The following DLGAP4 variants were observed in gnomAD, a reference collection of about 807,000 sequenced individuals.
The protein encoded by DLGAP4 is disks large-associated protein 4.
DLGAP4 carries 18 observed loss-of-function variants against 86.9 expected under a neutral mutation model. The observed-to-expected ratio is 0.21, with a 90% confidence interval of 0.14 to 0.31. The LOEUF (loss-of-function observed/expected upper bound fraction) is 0.31, where lower values mean the gene tolerates loss of function less well. DLGAP4 is among the 10% of genes least tolerant of loss of function. The pLI is 1.00. For missense variants in DLGAP4, 1,085 were observed against 1,362.6 expected (o/e 0.80, Z 3.21); for synonymous variants, 548 against 574.3 (o/e 0.95, Z 0.65).
At chr20:36,512,264 A>G (rs2036750739) in intron 10 of DLGAP4, among the ~76,000 whole-genome samples, 1 of 151,762 alleles carries the variant, frequency 6.6e-6, no homozygotes. Flanking sequence ...GTTAGCCAGG[A>G]TGGTCTTGAT....
At position 36,442,856 on chromosome 20, in the gene DLGAP4, C is replaced by T. The variant is rs549925410; in HGVS notation, c.1407+79C>T. The stretch of plus-strand genomic sequence containing the variant: ...CTTAGGCCTGCCCTCTGAGTGGTCC[C>T]AGCACCCGGCCCAGGCTGGTACAAG... On this transcript the variant is annotated intron_variant, in intron 6 of 12. Transcript: ENST00000339266. 2,298 of 1,580,302 alleles carry T rather than the reference C, an allele frequency of 1.5e-3. 2 individuals are homozygous for T. Among genetic ancestry groups the T allele is most frequent in the Non-Finnish European group, 1.9e-3 (2,185 of 1,149,712 alleles).
At chr20:36,461,627 G>A in intron 7 of DLGAP4, 2 of 934,488 alleles carry the variant, frequency 2.1e-6, no homozygotes, top group Non-Finnish European at 2.5e-6. Context: ...GCCGCCCGGA[G>A]CAGCCGCGGC....
At chr20:36,318,378 C>T (rs1215262903) in intron 1 of DLGAP4, among the ~76,000 whole-genome samples, 8 of 152,072 alleles carry the variant, frequency 5.3e-5, no homozygotes, top group Admixed American at 3.9e-4. Context: ...GTCACCCATC[C>T]GGCAGCTGGT....
At chr20:36,427,864 A>G (rs2033022376) in intron 2 of DLGAP4, among the ~76,000 whole-genome samples, 1 of 151,956 alleles carries the variant, frequency 6.6e-6, no homozygotes, top group African/African-American at 2.4e-5. Context: ...AATCGCTGGA[A>G]CCCAGGAGGC....
At chr20:36,498,282 C>T (rs568080562) in intron 8 of DLGAP4, 26 of 152,246 alleles carry the variant, frequency 1.7e-4, no homozygotes, top group African/African-American at 6.3e-4. Flanking sequence ...GACTCTGCTG[C>T]TGTTTTCTGG....
intron 2 of DLGAP4, among the ~76,000 whole-genome samples, chr20:36,380,276 G>T (rs2031324254): frequency 6.6e-6 from 1 of 151,852 alleles, no homozygotes; most frequent in African/African-American, 2.4e-5. Flanking sequence ...CAGGTGTGGT[G>T]GTGTGTGCCT....
At chr20:36,317,316 C>CTTTG (rs2065117734) in intron 1 of DLGAP4, among the ~76,000 whole-genome samples, 1 of 8,720 alleles carries the variant, frequency 1.1e-4, no homozygotes, top group Non-Finnish European at 4.2e-4. Context: ...TTCCTTCCTT[C>CTTTG]CTTCCTTCCT....
At chr20:36,464,931 T>C (rs1294053739) in intron 7 of DLGAP4, among the ~76,000 whole-genome samples, 2 of 152,208 alleles carry the variant, frequency 1.3e-5, no homozygotes, top group Non-Finnish European at 2.9e-5. Context: ...TTAATCAGTC[T>C]CCATCATTCA....
At chr20:36,512,100 G>A (rs1471499194) in intron 10 of DLGAP4, among the ~76,000 whole-genome samples, 1 of 140,408 alleles carries the variant, frequency 7.1e-6, no homozygotes, top group Non-Finnish European at 1.5e-5. Context: ...GCCCAGGCTA[G>A]AGTGCAGTGG....
intron 1 of DLGAP4, among the ~76,000 whole-genome samples, chr20:36,324,512 A>T (rs1349230072): frequency 6.6e-6 from 1 of 152,130 alleles, no homozygotes; most frequent in Non-Finnish European, 1.5e-5. Flanking sequence ...GCCTGGTGTG[A>T]GGTAGGGGTC....
At chr20:36,512,690 A>C (rs2036777500) in intron 10 of DLGAP4, 1 of 152,322 alleles carries the variant, frequency 6.6e-6, no homozygotes, top group Admixed American at 6.6e-5. Flanking sequence ...GTGGTCAGGG[A>C]GGGCATCCCT....
chr20:36,418,420 G>C (rs370750188), intron 2 of DLGAP4, among the ~76,000 whole-genome samples: 1 of 152,140 alleles, frequency 6.6e-6, no homozygotes, highest in Non-Finnish European at 1.5e-5. Context: ...GCCCATTTGG[G>C]GTTTTTGAAG....
At chr20:36,465,247 T>G (rs2034296695) in intron 7 of DLGAP4, 2 of 150,574 alleles carry the variant, frequency 1.3e-5, no homozygotes, top group South Asian at 2.1e-4. Flanking sequence ...ATAGGAGTGA[T>G]CTTCTCATCT....
intron 2 of DLGAP4, among the ~76,000 whole-genome samples, chr20:36,423,555 C>G (rs1185414134): frequency 6.6e-6 from 1 of 150,510 alleles, no homozygotes; most frequent in African/African-American, 2.5e-5. Context: ...CACCTGGAAG[C>G]TTTGGCCTGT....
intron 1 of DLGAP4, among the ~76,000 whole-genome samples, chr20:36,330,366 C>A (rs548032319): frequency 7.2e-5 from 11 of 152,044 alleles, no homozygotes; most frequent in African/African-American, 2.7e-4. Context: ...AGGCTAGAGC[C>A]AAGGTTGGAC....
chr20:36,314,320 CTG>C (rs1238339384), intron 1 of DLGAP4, among the ~76,000 whole-genome samples: 2 of 141,946 alleles, frequency 1.4e-5, no homozygotes, highest in South Asian at 2.4e-4. Context: ...TTCCCACTCC[CTG>C]TGTGTGTGCG....
chr20:36,482,495 G>A (rs930262420), intron 7 of DLGAP4, among the ~76,000 whole-genome samples: 6 of 152,070 alleles, frequency 3.9e-5, no homozygotes, highest in South Asian at 4.2e-4. Context: ...AGCAAAGCTC[G>A]TATGATACAG....
At chr20:36,501,037 G>C (rs903144775) in intron 10 of DLGAP4, among the ~76,000 whole-genome samples, 1 of 151,658 alleles carries the variant, frequency 6.6e-6, no homozygotes, top group Non-Finnish European at 1.5e-5. Flanking sequence ...ACAGAGAAAA[G>C]TGGGAGCCTA....
Position 36,431,512 on chromosome 20 carries a change from C to G in DLGAP4, c.-72-134C>G. 1.7e-6 allele frequency: 1 copy of G among 597,130 alleles called. No individual in the cohort carries two copies. The highest frequency in any genetic ancestry group is 2.9e-6 in the Non-Finnish European group (1 of 345,296). 37.0% of individuals were successfully genotyped at this position (597,130 alleles called of 1,614,324 possible). ...AGTACGTGGGCCTCGGTGTGTACTC[C>G]TGTCCTCAGGCCCACAACATTGAGG... On this transcript the variant is annotated intron_variant, in intron 2 of 12. Transcript: ENST00000339266. This position sits in a 1 kb window ranked among gnomAD's most constrained non-coding sequence, Gnocchi z 5.1.
Sources: allele counts gnomAD v4.1 joint callset (sites outside exome capture counted in the v4.1 genomes callset), GRCh38; gene constraint gnomAD v4.1.1; non-coding constraint Gnocchi (gnomAD v3.1); transcripts MANE v1.5; gene names NCBI Gene and HGNC (gene_info 2026-07-23, HGNC 2026-07-21).